Variants in PKD1L3 observed in about 807,000 individuals in gnomAD.
PKD1L3 encodes the protein polycystin-1-like protein 3.
PKD1L3 carries 239 observed loss-of-function variants against 184.1 expected under a neutral mutation model. That is an observed-to-expected ratio of 1.30 (90% confidence interval 1.17 to 1.45). The LOEUF (loss-of-function observed/expected upper bound fraction) is 1.45, where lower values mean the gene tolerates loss of function less well. Among genes scored for constraint, PKD1L3 ranks in the 40% most tolerant of loss-of-function variants. The pLI is 0.00. For synonymous variants in PKD1L3, 996 were observed against 778.8 expected (o/e 1.28, Z -4.64); for missense variants, 2,660 against 2,067.2 (o/e 1.29, Z -5.56).
Position 71,970,073 on chromosome 16 carries a change from C to T in PKD1L3, c.1986G>A (p.Gln662=), listed in dbSNP as rs746627927. ...AGAAGGTCAGGTGGTTACAGAGACA[C>T]TGTGTCCTCAGAATTGTGCTCTGTG... is the stretch of plus-strand genomic sequence containing the variant. ...VGPQSTILRT[Q]CLCNHLTFFA... The change falls in exon 13 of 30, where the codon CAG becomes CAA. Residue 662 remains glutamine, a synonymous_variant. Transcript: ENST00000620267. 5.2e-6 allele frequency: 8 copies of T among 1,551,598 alleles called. No homozygotes were observed. Among genetic ancestry groups the T allele is most frequent in the Admixed American group, 2.0e-5 (1 of 50,972 alleles).
intron 12 of PKD1L3, among the ~76,000 whole-genome samples, chr16:71,971,121 G>T (rs1204933655): frequency 1.3e-5 from 2 of 152,154 alleles, no homozygotes; most frequent in African/African-American, 4.8e-5. Flanking sequence ...TCAAATTCAG[G>T]CCAGTAGTTA....
At position 71,986,440 on chromosome 16, in the gene PKD1L3, C is replaced by A. The variant is rs912396359; in HGVS notation, c.615G>T (p.Gln205His). Residue 205 changes from glutamine (Q) to histidine (H), a missense_variant, in exon 5 of 30, where the codon CAG becomes CAT. Gln to His is a conservative substitution (Grantham distance 24). Transcript: ENST00000620267. ...TGATACTTGATAGTACTGAAGGAAA[C>A]TGGCTGATGGGATGACACAGGGTCT... ...LSKTLCHPIS[Q>H]FPSVLSSITS... 3 of 1,551,838 alleles carry A rather than the reference C, an allele frequency of 1.9e-6. No homozygotes were observed. Among genetic ancestry groups the A allele is most frequent in the African/African-American group, 2.7e-5 (2 of 73,016 alleles).
intron 19 of PKD1L3, 30 bp from the exon 20 acceptor site, chr16:71,950,340 A>C: frequency 1.3e-6 from 2 of 1,488,126 alleles, no homozygotes; most frequent in Non-Finnish European, 1.8e-6. Context: ...TGACACTTTC[A>C]CAAGTGGATT....
rs943854548 is a variant in PKD1L3 at position 71,986,442 on chromosome 16, G to A, written c.613C>T (p.Gln205Ter). The change falls in exon 5 of 30, where the codon CAG becomes TAG. Residue 205 changes from glutamine to a stop codon, truncating the protein, a stop_gained. Coordinates refer to ENST00000620267, the MANE Select transcript of PKD1L3 (RefSeq NM_181536.2). LOFTEE classifies it high-confidence loss of function. ...ATACTTGATAGTACTGAAGGAAACT[G>A]GCTGATGGGATGACACAGGGTCTTG... Reference protein sequence around the residue: ...LSKTLCHPISQFPSVLSSITS... With the variant: ...LSKTLCHPIS 3 of 1,551,954 alleles carry A rather than the reference G, an allele frequency of 1.9e-6. No individual in the cohort carries two copies. Among genetic ancestry groups the A allele is most frequent in the African/African-American group, 2.7e-5 (2 of 73,154 alleles).
Position 71,947,600 on chromosome 16 carries a change from G to C in PKD1L3, c.3619-9C>G. 6.7e-7 allele frequency: 1 copy of C among 1,494,260 alleles called. No individual in the cohort carries two copies. The highest frequency in any genetic ancestry group is 9.1e-7 in the Non-Finnish European group (1 of 1,096,422). 92.6% of individuals were successfully genotyped at this position (1,494,260 alleles called of 1,614,324 possible). On this transcript the variant is annotated splice_polypyrimidine_tract_variant and intron_variant, in intron 21 of 29. Transcript: ENST00000620267. ...AATGTGAAGAAGACCACCTGGGCAG[G>C]AGAATCACAGAACATCGTGAGCAGA...
At position 71,973,534 on chromosome 16, in the gene PKD1L3, G is replaced by A. The variant is rs1428201157; in HGVS notation, c.1760-17C>T. 4 of 1,541,218 alleles carry A rather than the reference G, an allele frequency of 2.6e-6. No homozygotes were observed. The highest frequency in any genetic ancestry group is 1.2e-5 in the South Asian group (1 of 83,648). ...ACTCCTCATCTTAGAACAAAGAAGA[G>A]TGCTTACTTGTATATCAAATGGAAC... On this transcript the variant is annotated splice_polypyrimidine_tract_variant and intron_variant, in intron 11 of 29. Coordinates refer to ENST00000620267, the MANE Select transcript of PKD1L3 (RefSeq NM_181536.2).
intron 6 of PKD1L3, among the ~76,000 whole-genome samples, chr16:71,983,596 G>C (rs7187692): frequency 0.55 from 82,423 of 149,398 alleles, 23,317 homozygotes; most frequent in African/African-American, 0.66. Flanking sequence ...AAATATGCTT[G>C]CTAAAATTTA....
At chr16:71,979,689 G>C (rs975890529) in intron 9 of PKD1L3, 97 bp downstream of exon 9, 9 of 1,377,414 alleles carry the variant, frequency 6.5e-6, no homozygotes, top group Non-Finnish European at 8.6e-6. Context: ...GATCTGGTCT[G>C]TTCAGTTTAC....
intron 12 of PKD1L3, among the ~76,000 whole-genome samples, chr16:71,971,485 C>A (rs1183187703): frequency 1.3e-5 from 2 of 152,102 alleles, no homozygotes; most frequent in Non-Finnish European, 2.9e-5. Flanking sequence ...AGAACTCTTG[C>A]GCTGTATTTG....
intron 5 of PKD1L3, among the ~76,000 whole-genome samples, chr16:71,985,973 C>A (rs1297787665): frequency 6.6e-6 from 1 of 152,194 alleles, no homozygotes; most frequent in African/African-American, 2.4e-5. Context: ...GGTAGGTGAA[C>A]AGAACTTCTT....
intron 2 of PKD1L3, among the ~76,000 whole-genome samples, chr16:71,994,693 G>A (rs1366229796): frequency 1.3e-5 from 2 of 152,060 alleles, no homozygotes; most frequent in African/African-American, 4.8e-5. Flanking sequence ...CTACATTTAG[G>A]GATTGCTTTT....
rs117915274 is a variant in PKD1L3, at chr16:71,992,844, G to A, written c.535+372C>T. Among the ~76,000 whole-genome samples the A allele has an allele frequency of 4.6e-3, 698 of 152,164 alleles. 3 individuals carry two copies. The highest frequency in any genetic ancestry group is 7.2e-3 in the Non-Finnish European group (488 of 68,008). On this transcript the variant is annotated intron_variant, in intron 3 of 29. Coordinates refer to ENST00000620267, the MANE Select transcript of PKD1L3 (RefSeq NM_181536.2). ...CACCCATCCACCGATATTGATTGCC[G>A]TCATTTCAGGCTAATGCATCCTTCC...
chr16:71,975,802 T>A (rs980494396), intron 11 of PKD1L3, among the ~76,000 whole-genome samples: 1 of 152,188 alleles, frequency 6.6e-6, no homozygotes, highest in African/African-American at 2.4e-5. Context: ...CAGGACTCAA[T>A]ACACACACAT....
intron 11 of PKD1L3, among the ~76,000 whole-genome samples, chr16:71,974,390 G>A (rs1052094020): frequency 6.6e-6 from 1 of 152,146 alleles, no homozygotes; most frequent in African/African-American, 2.4e-5. Context: ...AAGAAAAACT[G>A]AGTCCATGGC....
At chr16:71,986,599 A>AG in intron 4 of PKD1L3, 130 bp from the exon 5 acceptor site, 1 of 1,077,874 alleles carries the variant, frequency 9.3e-7, no homozygotes, top group Non-Finnish European at 1.3e-6. Context: ...GTTAAAAAAA[A>AG]TTCTGTGCTC....
intron 22 of PKD1L3, among the ~76,000 whole-genome samples, chr16:71,945,329 C>CACACACACACACATATAT (rs2038550398): frequency 6.1e-5 from 3 of 49,400 alleles, no homozygotes; most frequent in Admixed American, 2.5e-4. Context: ...CACATATATA[C>CACACACACACACATATAT]ACACACACAC....
intron 28 of PKD1L3, among the ~76,000 whole-genome samples, chr16:71,931,483 T>TA (rs1379974359): frequency 6.7e-6 from 1 of 149,394 alleles, no homozygotes; most frequent in African/African-American, 2.5e-5. Flanking sequence ...TTTTTTTTTT[T>TA]TTTGAAATGG....
At chr16:71,943,318 C>T (rs1040208665) in intron 23 of PKD1L3, among the ~76,000 whole-genome samples, 3 of 151,998 alleles carry the variant, frequency 2.0e-5, no homozygotes, top group South Asian at 4.1e-4. Context: ...GGGCAGATCA[C>T]CTGAGGTCAG....
chr16:71,936,260 T>C (rs1360919965), intron 25 of PKD1L3, among the ~76,000 whole-genome samples: 1 of 151,120 alleles, frequency 6.6e-6, no homozygotes, highest in East Asian at 1.9e-4. Context: ...GGCTGGAGTG[T>C]AGTGGTGCCA....
Sources: allele counts gnomAD v4.1 joint callset (sites outside exome capture counted in the v4.1 genomes callset), GRCh38; gene constraint gnomAD v4.1.1; transcripts MANE v1.5; gene names NCBI Gene and HGNC (gene_info 2026-07-23, HGNC 2026-07-21).